The following UBR3 variants were observed in gnomAD, a reference collection of about 807,000 sequenced individuals.
The protein encoded by UBR3 is E3 ubiquitin-protein ligase UBR3.
In UBR3, 85 loss-of-function variants were observed where a neutral mutation model predicts 243.2. The ratio of observed to expected loss-of-function variants is 0.35; its 90% CI spans 0.29 to 0.42. The LOEUF (loss-of-function observed/expected upper bound fraction) is 0.42, where lower values mean the gene tolerates loss of function less well. Among genes scored for constraint, UBR3 ranks in the 10% least tolerant of loss-of-function variants. The probability of loss-of-function intolerance (pLI) is 1.00; values close to 1 mark genes in which losing one functional copy is unlikely to be tolerated. For missense variants in UBR3, 1,686 were observed against 2,300.8 expected (o/e 0.73, Z 5.47); for synonymous variants, 748 against 799.8 (o/e 0.94, Z 1.09).
At chr2:169,845,502 TCGTCGTC>T (rs1559012046) in intron 1 of UBR3, among the ~76,000 whole-genome samples, 18 of 15,996 alleles carry the variant, frequency 1.1e-3, no homozygotes, top group African/African-American at 2.2e-3. Flanking sequence ...TTCGTCGTCA[TCGTCGTC>T]GTCGTCGTCG....
intron 24 of UBR3, among the ~76,000 whole-genome samples, chr2:169,965,533 T>C (rs1228267969): frequency 2.0e-5 from 3 of 152,090 alleles, no homozygotes; most frequent in African/African-American, 2.4e-5. Context: ...AATAATAAAA[T>C]AGAACAATTA....
At chr2:169,997,142 TA>T (rs1034497112) in intron 26 of UBR3, among the ~76,000 whole-genome samples, 3 of 151,622 alleles carry the variant, frequency 2.0e-5, no homozygotes, top group Admixed American at 6.6e-5. Context: ...ATTTAGACTT[TA>T]TTTTTTTGTC....
chr2:169,899,587 C>T (rs1189782341), intron 8 of UBR3, among the ~76,000 whole-genome samples: 1 of 152,006 alleles, frequency 6.6e-6, no homozygotes, highest in Non-Finnish European at 1.5e-5. Flanking sequence ...TATACATGTG[C>T]CATGGTGGTT....
chr2:169,872,220 C>G lies in UBR3; in HGVS notation c.546-16C>G. The G allele has an allele frequency of 2.0e-6, 3 of 1,475,138 alleles. No individual in the cohort carries two copies. Among genetic ancestry groups the G allele is most frequent in the Non-Finnish European group, 2.7e-6 (3 of 1,107,166 alleles). The allele number at this position is 1,475,138 out of a possible 1,614,324, so 91.4% of individuals were successfully genotyped here. On this transcript the variant is annotated splice_polypyrimidine_tract_variant and intron_variant, in intron 1 of 38. Coordinates refer to ENST00000272793, the MANE Select transcript of UBR3 (RefSeq NM_172070.4). ...ATTAGACATTACTGTTAATTTTTTT[C>G]TTTTTCATATTACAGGTTTTGCAAA...
At chr2:169,915,529 C>T (rs1231447670) in intron 11 of UBR3, among the ~76,000 whole-genome samples, 1 of 152,168 alleles carries the variant, frequency 6.6e-6, no homozygotes, top group Non-Finnish European at 1.5e-5. Flanking sequence ...AGCCACTGCT[C>T]CTGGCCAGGA....
intron 29 of UBR3, chr2:170,013,723 T>C (rs140134552): frequency 5.6e-6 from 1 of 177,666 alleles, no homozygotes; most frequent in Non-Finnish European, 1.3e-5. Context: ...ATGTTGACAT[T>C]CTGGTTTTGA....
intron 24 of UBR3, among the ~76,000 whole-genome samples, chr2:169,979,227 G>A (rs1050237492): frequency 2.6e-5 from 4 of 152,230 alleles, no homozygotes; most frequent in African/African-American, 4.8e-5. Context: ...TGGCTATGGC[G>A]AAATCCTGAA....
At chr2:170,055,660 T>C (rs1334447751) in intron 33 of UBR3, 76 bp downstream of exon 33, 2 of 1,540,956 alleles carry the variant, frequency 1.3e-6, no homozygotes, top group Non-Finnish European at 1.8e-6. Flanking sequence ...TGAATAAGAG[T>C]AGGTGTTACA....
At chr2:169,866,181 G>T (rs1486159352) in intron 1 of UBR3, among the ~76,000 whole-genome samples, 1 of 65,198 alleles carries the variant, frequency 1.5e-5, no homozygotes, top group Non-Finnish European at 2.8e-5. Context: ...AAAAAAAAAA[G>T]CTTTTATGGG....
chr2:169,914,113 A>G lies in UBR3; in HGVS notation c.1833A>G (p.Gln611=), dbSNP rs1237100058. 3.3e-6 allele frequency: 5 copies of G among 1,514,200 alleles called. 1 individual carries two copies. In the Admixed American group the frequency reaches 1.1e-4, roughly 33 times the overall value. The allele number at this position is 1,514,200 out of a possible 1,614,324, so 93.8% of individuals were successfully genotyped here. A position where few individuals can be genotyped will look rare whatever the true frequency, so the allele number is the denominator to read the frequency against. ...NVVRYCLEAL[Q]DWFDAINFVD... is the part of the protein sequence containing the mutation. Reference sequence around the variant, plus strand: ...TTAGATATTGCCTTGAAGCTCTTCAAGACTGGTTTGATGCTATTAACTTCG... The same window carrying G: ...TTAGATATTGCCTTGAAGCTCTTCAGGACTGGTTTGATGCTATTAACTTCG... The change falls in exon 11 of 39, where the codon CAA becomes CAG. Residue 611 remains glutamine (Q), a synonymous_variant. Coordinates refer to ENST00000272793, the MANE Select transcript of UBR3 (RefSeq NM_172070.4).
chr2:169,982,563 A>G (rs887233365), intron 24 of UBR3, among the ~76,000 whole-genome samples: 3 of 152,082 alleles, frequency 2.0e-5, no homozygotes, highest in Non-Finnish European at 4.4e-5. Flanking sequence ...TGATGATGTT[A>G]AATTAATGGT....
chr2:170,072,690 G>A (rs1014752916), intron 35 of UBR3, among the ~76,000 whole-genome samples: 1 of 152,074 alleles, frequency 6.6e-6, no homozygotes, highest in African/African-American at 2.4e-5. Flanking sequence ...TCATTAAATG[G>A]TGTCAGGGAA....
chr2:169,969,990 T>C (rs1574309428), intron 24 of UBR3, among the ~76,000 whole-genome samples: 1 of 151,348 alleles, frequency 6.6e-6, no homozygotes, highest in Non-Finnish European at 1.5e-5. Context: ...TCAGGATGTT[T>C]TGTGGTTCCA....
At chr2:169,845,493 TCG>T (rs2082435970) in intron 1 of UBR3, among the ~76,000 whole-genome samples, 3 of 24,988 alleles carry the variant, frequency 1.2e-4, no homozygotes, top group South Asian at 2.2e-3. Flanking sequence ...CTTTCCCTCT[TCG>T]TCGTCATCGT....
intron 26 of UBR3, among the ~76,000 whole-genome samples, chr2:169,995,467 T>C (rs968844716): frequency 4.6e-5 from 7 of 152,242 alleles, no homozygotes; most frequent in African/African-American, 1.4e-4. Flanking sequence ...ATCAGAAATA[T>C]ACTACAGGAA....
chr2:169,840,652 T>C (rs532602313), intron 1 of UBR3, among the ~76,000 whole-genome samples: 146 of 152,232 alleles, frequency 9.6e-4, no homozygotes, highest in African/African-American at 3.4e-3. Flanking sequence ...CGGACACCAC[T>C]AGGCATTGCC....
rs2084605197 is a variant in UBR3 at position 169,896,674 on chromosome 2, T to C, written c.1404T>C (p.Asp468=). ...RQVTEECQLL[D]IMVTVLLYMM... is the part of the protein sequence containing the mutation. The stretch of plus-strand genomic sequence containing the variant: ...TAACAGAAGAATGTCAGCTGCTGGA[T>C]ATTATGGTCACTGTGCTATTATACA... Residue 468 remains aspartate, a synonymous_variant, in exon 8 of 39, where the codon GAT becomes GAC. Coordinates refer to ENST00000272793, the MANE Select transcript of UBR3 (RefSeq NM_172070.4). 6.4e-7 allele frequency: 1 copy of C among 1,551,190 alleles called. No individual in the cohort carries two copies. Among genetic ancestry groups the C allele is most frequent in the Admixed American group, 2.0e-5 (1 of 50,968 alleles).
At chr2:169,952,836 CAT>C (rs1436610604) in intron 23 of UBR3, among the ~76,000 whole-genome samples, 2 of 152,044 alleles carry the variant, frequency 1.3e-5, no homozygotes, top group African/African-American at 2.4e-5. Flanking sequence ...CATTCAGTAA[CAT>C]ATAATTCAGA....
At chr2:169,983,193 A>AAGGTGGAGTTG (rs1329130664) in intron 24 of UBR3, among the ~76,000 whole-genome samples, 16 of 151,230 alleles carry the variant, frequency 1.1e-4, no homozygotes, top group South Asian at 4.2e-4. Context: ...GAAACTATGC[A>AAGGTGGAGTTG]AGATCACCTG....
Sources: allele counts gnomAD v4.1 joint callset (sites outside exome capture counted in the v4.1 genomes callset), GRCh38; gene constraint gnomAD v4.1.1; transcripts MANE v1.5; gene names NCBI Gene and HGNC (gene_info 2026-07-23, HGNC 2026-07-21).